MGST1: variants seen among roughly 807,000 people sequenced by gnomAD.
MGST1 encodes the protein microsomal glutathione S-transferase 1.
In MGST1, 5 loss-of-function variants were observed where a neutral mutation model predicts 8.9. That is an observed-to-expected ratio of 0.56 (90% CI 0.29 to 1.19). The LOEUF (loss-of-function observed/expected upper bound fraction) is 1.19, where lower values mean the gene tolerates loss of function less well. MGST1 is among the 50% of genes most tolerant of loss of function. The pLI, the probability that MGST1 is intolerant of heterozygous loss-of-function variation, is 0.08. For synonymous variants in MGST1, 54 were observed against 67.8 expected (o/e 0.80, Z 1.00); for missense variants, 182 against 187.4 (o/e 0.97, Z 0.17).
chr12:16,572,681 A>ATATATATAATTTAAATATAT (rs1326192838), intron 4 of MGST1, among the ~76,000 whole-genome samples: 7 of 147,872 alleles, frequency 4.7e-5, no homozygotes, highest in Admixed American at 2.7e-4. Flanking sequence ...TATATAGATT[A>ATATATATAATTTAAATATAT]TATATATAAT....
intron 4 of MGST1, among the ~76,000 whole-genome samples, chr12:16,510,794 CTT>C (rs1367867769): frequency 6.6e-6 from 1 of 152,070 alleles, no homozygotes; most frequent in African/African-American, 2.4e-5. Flanking sequence ...CGAAGGATGA[CTT>C]AGTCAGGAAA....
At chr12:16,569,191 T>C (rs1942724296) in intron 4 of MGST1, among the ~76,000 whole-genome samples, 1 of 152,160 alleles carries the variant, frequency 6.6e-6, no homozygotes, top group South Asian at 2.1e-4. Context: ...GAGCAGAAAA[T>C]ATCCCATGTC....
In MGST1 at chr12:16,399,050, C is replaced by T. The variant is rs565841091; in HGVS notation, n.778+15446C>T. Among the ~76,000 whole-genome samples the T allele has an allele frequency of 2.0e-5, 3 of 152,218 alleles. No homozygotes were observed. In the South Asian group the frequency reaches 6.2e-4, roughly 32 times the overall value. On this transcript the variant is annotated intron_variant and non_coding_transcript_variant, in intron 1 of 1. Transcript: ENST00000359720. ...AACAGCAAGAGCCTCCTCCTGTCCTCAAGAACACCTCCTCCCTTGCCATCT... is the reference window on the plus strand; with the variant it reads ...AACAGCAAGAGCCTCCTCCTGTCCTTAAGAACACCTCCTCCCTTGCCATCT...
chr12:16,357,348 C>T (rs1041788662), intron 2 of MGST1, among the ~76,000 whole-genome samples: 9 of 152,168 alleles, frequency 5.9e-5, no homozygotes, highest in African/African-American at 2.2e-4. Flanking sequence ...CAGCCTCAAC[C>T]TCTCGGGCTC....
intron 4 of MGST1, among the ~76,000 whole-genome samples, chr12:16,542,949 A>G (rs2193186): frequency 0.39 from 58,797 of 152,018 alleles, 12,037 homozygotes; most frequent in Non-Finnish European, 0.47. Flanking sequence ...TCAAGACTAA[A>G]GGTAAATGTC....
At chr12:16,407,535 C>T (rs553069920) in intron 1 of MGST1, among the ~76,000 whole-genome samples, 146 of 152,270 alleles carry the variant, frequency 9.6e-4, no homozygotes, top group African/African-American at 3.4e-3. Context: ...AGCAGAACTA[C>T]CATTTGACCC....
chr12:16,399,251 G>C, intron 1 of MGST1: 1 of 1,591,106 alleles, frequency 6.3e-7, no homozygotes, highest in Non-Finnish European at 8.6e-7. Context: ...AGGAAGAAAG[G>C]AGCTCAGGGC....
chr12:16,418,129 C>T (rs1410824806), intron 1 of MGST1, among the ~76,000 whole-genome samples: 2 of 152,114 alleles, frequency 1.3e-5, no homozygotes, highest in Non-Finnish European at 2.9e-5. Context: ...TACTGAGTAT[C>T]ATCCATGGGC....
chr12:16,578,972 T>C (rs1399219011), intron 4 of MGST1, among the ~76,000 whole-genome samples: 2 of 152,212 alleles, frequency 1.3e-5, no homozygotes, highest in Non-Finnish European at 2.9e-5. Context: ...TCTAATGAAG[T>C]ATATTGCATT....
In MGST1 at chr12:16,389,572, G is replaced by A. The variant is rs1940532327; in HGVS notation, n.778+5968G>A. Reference sequence around the variant, plus strand: ...CTTAGGATAGCCAGTAGAAAAATGGGGTTTCCCTGGATTTCCTTGGTCTGG... The same window carrying A: ...CTTAGGATAGCCAGTAGAAAAATGGAGTTTCCCTGGATTTCCTTGGTCTGG... On this transcript the variant is annotated intron_variant and non_coding_transcript_variant, in intron 1 of 1. Transcript: ENST00000359720. This position sits in a 1 kb window ranked among gnomAD's most constrained non-coding sequence, Gnocchi z 4.6. Among the ~76,000 whole-genome samples the A allele has an allele frequency of 6.6e-6, 1 of 152,116 alleles. No individual in the cohort carries two copies. Among genetic ancestry groups the A allele is most frequent in the African/African-American group, 2.4e-5 (1 of 41,398 alleles).
At chr12:16,514,176 G>A in intron 4 of MGST1, 1 of 332,022 alleles carries the variant, frequency 3.0e-6, no homozygotes, top group Non-Finnish European at 5.8e-6. Context: ...GCGCCACTCT[G>A]CCAATTATAC....
intron 1 of MGST1, among the ~76,000 whole-genome samples, chr12:16,386,678 C>G (rs932527563): frequency 6.6e-6 from 1 of 152,132 alleles, no homozygotes; most frequent in Non-Finnish European, 1.5e-5. Context: ...TTTGCGAACA[C>G]CCAAACTGTG....
downstream of MGST1, among the ~76,000 whole-genome samples, chr12:16,379,747 G>C (rs1940431283): frequency 6.6e-6 from 1 of 152,146 alleles, no homozygotes; most frequent in Non-Finnish European, 1.5e-5. Context: ...TGTATCTCTG[G>C]TAGAATTCGG....
intron 1 of MGST1, among the ~76,000 whole-genome samples, chr12:16,404,838 C>T (rs1940686638): frequency 6.6e-6 from 1 of 152,160 alleles, no homozygotes; most frequent in Admixed American, 6.6e-5. Context: ...GATGGAATTG[C>T]TTTCCTCTGG....
intron 4 of MGST1, among the ~76,000 whole-genome samples, chr12:16,580,843 C>T (rs1943137788): frequency 6.6e-6 from 1 of 152,060 alleles, no homozygotes; most frequent in South Asian, 2.1e-4. Flanking sequence ...GCAATAAAAG[C>T]TTTTATTAAT....
intron 1 of MGST1, among the ~76,000 whole-genome samples, chr12:16,353,769 T>TTC (rs1939583367): frequency 6.7e-6 from 1 of 149,308 alleles, no homozygotes; most frequent in Admixed American, 6.7e-5. Flanking sequence ...TTTTTTTTTT[T>TTC]TTTTTTTTGA....
At chr12:16,563,049 C>G (rs989888990) in intron 4 of MGST1, among the ~76,000 whole-genome samples, 2 of 152,164 alleles carry the variant, frequency 1.3e-5, no homozygotes, top group Non-Finnish European at 2.9e-5. Context: ...TCTTCTTCCA[C>G]GCACTTTCCC....
intron 4 of MGST1, among the ~76,000 whole-genome samples, chr12:16,553,381 C>A (rs1377607887): frequency 6.6e-6 from 1 of 152,086 alleles, no homozygotes; most frequent in Non-Finnish European, 1.5e-5. Flanking sequence ...CAGGGTGTAA[C>A]TGTGTTTTTT....
At chr12:16,466,083 G>T (rs745711417) in intron 4 of MGST1, among the ~76,000 whole-genome samples, 1 of 152,194 alleles carries the variant, frequency 6.6e-6, no homozygotes, top group Non-Finnish European at 1.5e-5. Context: ...TATGTGTAAA[G>T]ACCTAAATGG....
Sources: allele counts gnomAD v4.1 joint callset (sites outside exome capture counted in the v4.1 genomes callset), GRCh38; gene constraint gnomAD v4.1.1; non-coding constraint Gnocchi (gnomAD v3.1); transcripts MANE v1.5; gene names NCBI Gene and HGNC (gene_info 2026-07-23, HGNC 2026-07-21).